CEP112: variants seen among roughly 807,000 people sequenced by gnomAD.
CEP112 encodes centrosomal protein of 112 kDa.
Under a neutral mutation model 153.0 loss-of-function variants are expected in CEP112, and 127 were observed. The observed-to-expected ratio is 0.83, with a 90% confidence interval of 0.72 to 0.96. The LOEUF is 0.96. CEP112 is among the 40% of genes least tolerant of loss of function. The pLI is 0.00. For missense variants in CEP112, 1,089 were observed against 1,101.2 expected (o/e 0.99, Z 0.16); for synonymous variants, 358 against 374.4 (o/e 0.96, Z 0.51).
intron 21 of CEP112, among the ~76,000 whole-genome samples, chr17:65,769,184 C>A (rs1404179245): frequency 6.6e-6 from 1 of 151,652 alleles, no homozygotes; most frequent in Admixed American, 6.6e-5. Context: ...TTTACAATCA[C>A]ATCAAAAAAA....
At chr17:66,017,654 T>C (rs1247356000) in intron 16 of CEP112, among the ~76,000 whole-genome samples, 1 of 152,128 alleles carries the variant, frequency 6.6e-6, no homozygotes, top group Non-Finnish European at 1.5e-5. Context: ...GATAATTGCA[T>C]ACAGATCTTG....
intron 11 of CEP112, among the ~76,000 whole-genome samples, chr17:66,058,309 A>G (rs898508306): frequency 3.8e-4 from 58 of 152,128 alleles, no homozygotes; most frequent in African/African-American, 1.4e-3. Flanking sequence ...CTAGGTACAC[A>G]ATGTCATTGA....
At chr17:66,052,545 T>C (rs1019434555) in intron 12 of CEP112, among the ~76,000 whole-genome samples, 7 of 152,142 alleles carry the variant, frequency 4.6e-5, no homozygotes, top group African/African-American at 1.7e-4. Context: ...GGAGATCCTC[T>C]ATCTCATCCT....
chr17:65,969,912 ACATG>A (rs2062595930), intron 17 of CEP112, among the ~76,000 whole-genome samples: 1 of 150,574 alleles, frequency 6.6e-6, no homozygotes, highest in African/African-American at 2.5e-5. Context: ...CATGCATATT[ACATG>A]CATATCACAT....
intron 19 of CEP112, among the ~76,000 whole-genome samples, chr17:65,913,208 G>C (rs777601933): frequency 2.6e-4 from 40 of 152,152 alleles, no homozygotes; most frequent in Non-Finnish European, 4.9e-4. Context: ...GAAATTTTAC[G>C]CTAATGGGGC....
intron 6 of CEP112, among the ~76,000 whole-genome samples, chr17:66,101,072 A>G (rs1204198097): frequency 1.3e-5 from 2 of 152,166 alleles, no homozygotes; most frequent in East Asian, 3.8e-4. Context: ...GATATGCCGA[A>G]TATCTTTCAG....
intron 1 of CEP112, among the ~76,000 whole-genome samples, chr17:66,186,535 T>C (rs1047272387): frequency 7.2e-5 from 11 of 152,074 alleles, no homozygotes; most frequent in African/African-American, 2.4e-4. Context: ...GTGATCCGCC[T>C]GCCTCGGCCT....
chr17:65,749,691 C>A (rs955506905), intron 22 of CEP112, among the ~76,000 whole-genome samples: 1 of 148,232 alleles, frequency 6.7e-6, no homozygotes, highest in Non-Finnish European at 1.5e-5. Flanking sequence ...AAAATGGCAC[C>A]AGTAATAGTT....
rs533923872 is a variant in CEP112, at chr17:66,108,038, T to C, written c.643-11406A>G. 3.3e-5 allele frequency among the ~76,000 whole-genome samples: 5 copies of C among 152,134 alleles called. No homozygotes were observed. The South Asian group carries it at 1.0e-3, about 32-fold the overall frequency. ...TTTTGACAAAGATCACAAGAATACA[T>C]ATGCTGGGGAAAGGATACTCTCCTC... On this transcript the variant is annotated intron_variant, in intron 6 of 26. Coordinates refer to ENST00000535342, the MANE Select transcript of CEP112 (RefSeq NM_001199165.4).
chr17:66,076,374 TG>T (rs1298587582), intron 8 of CEP112, among the ~76,000 whole-genome samples: 1 of 151,952 alleles, frequency 6.6e-6, no homozygotes, highest in Middle Eastern at 3.2e-3. Context: ...GGGGACATGG[TG>T]GGGGTGAGAC....
chr17:66,015,748 G>T (rs1420800), intron 16 of CEP112, among the ~76,000 whole-genome samples: 62,285 of 151,806 alleles, frequency 0.41, 14,199 homozygotes, highest in East Asian at 0.87. Flanking sequence ...CTTGTATTGA[G>T]TTTTAGCTGA....
chr17:66,063,374 T>A (rs771882912), intron 10 of CEP112, among the ~76,000 whole-genome samples: 39 of 152,156 alleles, frequency 2.6e-4, no homozygotes, highest in Non-Finnish European at 4.7e-4. Context: ...TTCACCATTA[T>A]TCTAAGTGAA....
At chr17:66,177,366 G>C (rs936550512) in intron 2 of CEP112, among the ~76,000 whole-genome samples, 1 of 152,182 alleles carries the variant, frequency 6.6e-6, no homozygotes, top group Admixed American at 6.5e-5. Flanking sequence ...TGGTAAATGA[G>C]AAAGACAAAT....
At chr17:66,144,491 A>C (rs1254830296) in intron 4 of CEP112, among the ~76,000 whole-genome samples, 1 of 152,136 alleles carries the variant, frequency 6.6e-6, no homozygotes, top group African/African-American at 2.4e-5. Context: ...TCAAGAGTTC[A>C]GGACCAGCCT....
At chr17:66,047,925 C>A (rs4479282) in intron 12 of CEP112, among the ~76,000 whole-genome samples, 1 of 151,924 alleles carries the variant, frequency 6.6e-6, no homozygotes, top group Non-Finnish European at 1.5e-5. Flanking sequence ...TCCAGAGATG[C>A]TCAAGTCCCT....
At chr17:65,902,374 T>A in intron 19 of CEP112, 40 bp from the exon 20 acceptor site, 1 of 1,551,204 alleles carries the variant, frequency 6.4e-7, no homozygotes, top group Non-Finnish European at 8.7e-7. Context: ...CAACAGAACA[T>A]CCTTGTCGTC....
At chr17:66,181,799 CAAT>C (rs139259812) in intron 2 of CEP112, among the ~76,000 whole-genome samples, 5,194 of 152,088 alleles carry the variant, frequency 0.034, 132 homozygotes, top group Middle Eastern at 0.061. Context: ...GAAGAGGATG[CAAT>C]ATAAAAATAT....
At chr17:65,911,218 TG>T (rs774076217) in intron 19 of CEP112, among the ~76,000 whole-genome samples, 5 of 152,222 alleles carry the variant, frequency 3.3e-5, no homozygotes, top group Non-Finnish European at 7.3e-5. Context: ...GCAAAAATCC[TG>T]GTGGTGAGCA....
At chr17:65,642,207 T>A (rs1299684278) in intron 24 of CEP112, among the ~76,000 whole-genome samples, 1 of 152,234 alleles carries the variant, frequency 6.6e-6, no homozygotes, top group Admixed American at 6.5e-5. Context: ...TTAATTATTT[T>A]AAAAATCTGT....
Sources: allele counts gnomAD v4.1 joint callset (sites outside exome capture counted in the v4.1 genomes callset), GRCh38; gene constraint gnomAD v4.1.1; transcripts MANE v1.5; gene names NCBI Gene and HGNC (gene_info 2026-07-23, HGNC 2026-07-21).